Variants in SLC9A9 observed in about 807,000 individuals in gnomAD.
SLC9A9 encodes the protein sodium/hydrogen exchanger 9.
Under a neutral mutation model 77.8 loss-of-function variants are expected in SLC9A9, and 62 were observed. That is an observed-to-expected ratio of 0.80 (90% CI 0.65 to 0.98). The LOEUF (loss-of-function observed/expected upper bound fraction) is 0.98. SLC9A9 is among the 50% of genes least tolerant of loss of function. The pLI is 0.00. For missense variants in SLC9A9, 775 were observed against 774.9 expected (o/e 1.00, Z 0.00); for synonymous variants, 320 against 283.5 (o/e 1.13, Z -1.29).
chr3:143,579,909 G>C (rs911227315), intron 6 of SLC9A9, among the ~76,000 whole-genome samples: 5 of 152,156 alleles, frequency 3.3e-5, no homozygotes, highest in African/African-American at 1.2e-4. Flanking sequence ...CATCAAAAAA[G>C]GTAGTTTTAA....
At chr3:143,585,537 A>G (rs1393861844) in intron 6 of SLC9A9, among the ~76,000 whole-genome samples, 3 of 152,316 alleles carry the variant, frequency 2.0e-5, no homozygotes, top group African/African-American at 4.8e-5. Flanking sequence ...AGAGCAAGCT[A>G]TACCCTGACC....
At position 143,698,866 on chromosome 3, in the gene SLC9A9, T is replaced by C. The variant is rs549265578; in HGVS notation, c.534-5559A>G. ...AAGCCACGTCCCTGACTGAAAAACCTTGTGAAATAGGCCACTGTGTACAGC... is the reference window on the plus strand; with the variant it reads ...AAGCCACGTCCCTGACTGAAAAACCCTGTGAAATAGGCCACTGTGTACAGC... On this transcript the variant is annotated intron_variant, in intron 4 of 15. Coordinates refer to ENST00000316549, the MANE Select transcript of SLC9A9 (RefSeq NM_173653.4). Among the ~76,000 whole-genome samples the C allele has an allele frequency of 1.3e-3, 192 of 152,302 alleles. 2 individuals are homozygous for C. The highest frequency in any genetic ancestry group is 6.8e-3 in the Middle Eastern group (2 of 294).
chr3:143,775,992 A>G (rs964754893), intron 4 of SLC9A9, among the ~76,000 whole-genome samples: 12 of 152,222 alleles, frequency 7.9e-5, no homozygotes, highest in Admixed American at 3.9e-4. Flanking sequence ...TAATTTTACC[A>G]ATTTGTTCTG....
chr3:143,687,307 C>T (rs968374247), intron 5 of SLC9A9, among the ~76,000 whole-genome samples: 2 of 152,132 alleles, frequency 1.3e-5, no homozygotes, highest in African/African-American at 4.8e-5. Flanking sequence ...GTCAGACCTG[C>T]AGAGCATAGG....
intron 3 of SLC9A9, among the ~76,000 whole-genome samples, chr3:143,796,608 A>G (rs2008392074): frequency 6.6e-6 from 1 of 152,208 alleles, no homozygotes; most frequent in African/African-American, 2.4e-5. Flanking sequence ...GCATTTCAAG[A>G]GCTCAATAGT....
intron 1 of SLC9A9, among the ~76,000 whole-genome samples, chr3:143,841,908 T>C (rs2009716561): frequency 6.6e-6 from 1 of 151,960 alleles, no homozygotes; most frequent in African/African-American, 2.4e-5. Flanking sequence ...CATCCGCCAC[T>C]ATACCTGGCT....
intron 9 of SLC9A9, among the ~76,000 whole-genome samples, chr3:143,514,972 G>A (rs2036181887): frequency 6.6e-6 from 1 of 152,150 alleles, no homozygotes. Flanking sequence ...GGCCTGTCCT[G>A]CCTTTTGACA....
chr3:143,279,236 T>C (rs1277942888), intron 14 of SLC9A9, among the ~76,000 whole-genome samples: 2 of 152,148 alleles, frequency 1.3e-5, no homozygotes, highest in Non-Finnish European at 2.9e-5. Flanking sequence ...CTCAGAGCAG[T>C]GCCCCACATA....
intron 9 of SLC9A9, 39 bp downstream of exon 9, chr3:143,552,323 A>G (rs2036904066): frequency 2.0e-6 from 3 of 1,476,292 alleles, no homozygotes; most frequent in Non-Finnish European, 1.9e-6. Context: ...CATTTCACTG[A>G]GAAAAGAGAC....
At position 143,566,842 on chromosome 3, in the gene SLC9A9, C is replaced by T. The variant is rs142235208; in HGVS notation, c.1000+7246G>A. On this transcript the variant is annotated intron_variant, in intron 8 of 15. Transcript: ENST00000316549. ...ACAGTCCCTGAAAGTTTGCTTCTGG[C>T]GAAAACCTGACCCCCAAAGTCTCAG... Among the ~76,000 whole-genome samples the T allele has an allele frequency of 4.1e-3, 620 of 152,096 alleles. 3 individuals carry two copies. Among genetic ancestry groups the T allele is most frequent in the African/African-American group, 0.012 (506 of 41,506 alleles).
chr3:143,391,034 G>A (rs140926502), intron 12 of SLC9A9, among the ~76,000 whole-genome samples: 2 of 152,340 alleles, frequency 1.3e-5, no homozygotes, highest in Non-Finnish European at 2.9e-5. Context: ...GCAGGGCATA[G>A]CCAAACAAAA....
intron 4 of SLC9A9, among the ~76,000 whole-genome samples, chr3:143,700,307 G>A (rs6774112): frequency 0.27 from 41,105 of 152,030 alleles, 6,957 homozygotes; most frequent in East Asian, 0.36. Flanking sequence ...GAAAAGTAGA[G>A]GGAAAAGTAG....
At chr3:143,787,864 T>C (rs1246178598) in intron 4 of SLC9A9, among the ~76,000 whole-genome samples, 1 of 150,998 alleles carries the variant, frequency 6.6e-6, no homozygotes, top group East Asian at 1.9e-4. Flanking sequence ...TAAATGTAAA[T>C]ATATATACTC....
intron 6 of SLC9A9, among the ~76,000 whole-genome samples, chr3:143,640,650 T>C (rs1410940648): frequency 6.6e-6 from 1 of 152,098 alleles, no homozygotes; most frequent in South Asian, 2.1e-4. Flanking sequence ...TGCTTGAGCC[T>C]AGGAATTCCA....
chr3:143,805,753 C>G (rs2008694292), intron 2 of SLC9A9, among the ~76,000 whole-genome samples: 1 of 152,080 alleles, frequency 6.6e-6, no homozygotes, highest in African/African-American at 2.4e-5. Context: ...CAGAGAACAA[C>G]CCCCTTTGAC....
At chr3:143,486,149 A>C (rs961960629) in intron 11 of SLC9A9, among the ~76,000 whole-genome samples, 1 of 152,174 alleles carries the variant, frequency 6.6e-6, no homozygotes, top group African/African-American at 2.4e-5. Context: ...AGAAAAAAAT[A>C]AAAAACAAAA....
At chr3:143,604,435 A>G (rs1428064810) in intron 6 of SLC9A9, among the ~76,000 whole-genome samples, 1 of 152,218 alleles carries the variant, frequency 6.6e-6, no homozygotes, top group African/African-American at 2.4e-5. Flanking sequence ...TGACAGACAC[A>G]GTCTTCATAG....
rs114450916 is a variant in SLC9A9, at chr3:143,384,853, C to T, written c.1470-2739G>A. 7.9e-3 allele frequency among the ~76,000 whole-genome samples: 1,204 copies of T among 152,234 alleles called. 16 individuals carry two copies. The highest frequency in any genetic ancestry group is 0.027 in the African/African-American group (1,124 of 41,520). ...CCTTGCCCACACAGGGCATACGATT[C>T]GGGAGGTTCAATGAGGATAATATAA... is the stretch of plus-strand genomic sequence containing the variant. On this transcript the variant is annotated intron_variant, in intron 12 of 15. Transcript: ENST00000316549.
chr3:143,402,285 A>G (rs1005624117), intron 12 of SLC9A9, among the ~76,000 whole-genome samples: 9 of 152,216 alleles, frequency 5.9e-5, no homozygotes, highest in Admixed American at 1.3e-4. Context: ...GCATGAATAG[A>G]CTTTTATGAG....
Sources: gnomAD v4.1 joint callset for allele counts (sites outside exome capture counted in the v4.1 genomes callset) on GRCh38, gnomAD v4.1.1 for gene constraint, MANE v1.5 for transcripts, NCBI Gene and HGNC (gene_info 2026-07-23, HGNC 2026-07-21) for gene names.